Variants in SLC35F4 observed in about 807,000 individuals in gnomAD.
SLC35F4 encodes chromosome 14 open reading frame 36.
Under a neutral mutation model 44.2 loss-of-function variants are expected in SLC35F4, and 24 were observed. The observed-to-expected ratio is 0.54, with a 90% CI of 0.39 to 0.76. The LOEUF is 0.76. Ranked by LOEUF, SLC35F4 falls within the 30% of genes least tolerant of loss-of-function variation. SLC35F4 has a pLI of 0.00. For synonymous variants in SLC35F4, 238 were observed against 223.6 expected (o/e 1.06, Z -0.57); for missense variants, 562 against 586.1 (o/e 0.96, Z 0.42).
At chr14:57,634,727 G>A (rs1276558031) in intron 1 of SLC35F4, among the ~76,000 whole-genome samples, 1 of 151,886 alleles carries the variant, frequency 6.6e-6, no homozygotes, top group Non-Finnish European at 1.5e-5. Context: ...AAAGTCTGCT[G>A]ATTTTGTTTG....
At chr14:57,717,227 T>C (rs947469547) in intron 1 of SLC35F4, among the ~76,000 whole-genome samples, 68 of 152,338 alleles carry the variant, frequency 4.5e-4, no homozygotes, top group African/African-American at 1.6e-3. Context: ...GTAGTATTTG[T>C]CATATGATAT....
At chr14:57,914,072 A>C (rs1594621220) in intron 1 of SLC35F4, among the ~76,000 whole-genome samples, 1 of 152,196 alleles carries the variant, frequency 6.6e-6, no homozygotes, top group East Asian at 1.9e-4. Context: ...TAGATCAGAT[A>C]TTGTCTTAGT....
intron 1 of SLC35F4, among the ~76,000 whole-genome samples, chr14:57,728,441 C>CTTTTTTTTTTTTTTTTTTTTTTTTTT (rs869064667): frequency 2.0e-4 from 12 of 59,016 alleles, no homozygotes; most frequent in Admixed American, 2.7e-4. Flanking sequence ...TTCTTTCTTT[C>CTTTTTTTTTTTTTTTTTTTTTTTTTT]TTTTTTTTTT....
chr14:57,847,489 A>G (rs1886139694), intron 1 of SLC35F4, among the ~76,000 whole-genome samples: 1 of 152,198 alleles, frequency 6.6e-6, no homozygotes. Flanking sequence ...TGAAAATTTG[A>G]AAAATATTTT....
chr14:57,694,765 G>T (rs1284260551), intron 1 of SLC35F4, among the ~76,000 whole-genome samples: 2 of 152,146 alleles, frequency 1.3e-5, no homozygotes, highest in East Asian at 1.9e-4. Flanking sequence ...TACATAATTT[G>T]TCAGATTTAT....
chr14:57,976,201 T>C (rs1881210838), downstream of SLC35F4, among the ~76,000 whole-genome samples: 1 of 152,228 alleles, frequency 6.6e-6, no homozygotes, highest in Non-Finnish European at 1.5e-5. Flanking sequence ...ATATTCCTGC[T>C]AAACCTTCCC....
chr14:57,650,344 ATTG>A (rs1477320611), intron 1 of SLC35F4, among the ~76,000 whole-genome samples: 1 of 152,100 alleles, frequency 6.6e-6, no homozygotes, highest in African/African-American at 2.4e-5. Context: ...TCAAGCAGAA[ATTG>A]TTATTTTCCT....
intron 1 of SLC35F4, among the ~76,000 whole-genome samples, chr14:57,692,186 A>G (rs73288204): frequency 0.028 from 4,192 of 152,260 alleles, 181 homozygotes; most frequent in African/African-American, 0.094. Flanking sequence ...CTTATTCCCA[A>G]TCGAAGCTCC....
At chr14:57,860,678 T>A (rs987415825) in intron 1 of SLC35F4, among the ~76,000 whole-genome samples, 2 of 152,136 alleles carry the variant, frequency 1.3e-5, no homozygotes, top group Non-Finnish European at 2.9e-5. Context: ...AATAATGGAA[T>A]ACAATAAAAC....
intron 1 of SLC35F4, among the ~76,000 whole-genome samples, chr14:57,603,048 G>A (rs187414731): frequency 6.6e-6 from 1 of 152,266 alleles, no homozygotes; most frequent in Admixed American, 6.5e-5. Flanking sequence ...TCTGTTATCT[G>A]TAGAATTAGA....
At chr14:57,826,948 G>A (rs1447469547) in intron 1 of SLC35F4, among the ~76,000 whole-genome samples, 1 of 152,066 alleles carries the variant, frequency 6.6e-6, no homozygotes, top group Non-Finnish European at 1.5e-5. Context: ...AAGACAGTGT[G>A]GTAATTCCTC....
chr14:57,955,636 TAC>T (rs1890222359), intron 1 of SLC35F4, among the ~76,000 whole-genome samples: 1 of 152,162 alleles, frequency 6.6e-6, no homozygotes, highest in South Asian at 2.1e-4. Flanking sequence ...AGCATTCCTA[TAC>T]ATCAATAATA....
At chr14:57,612,437 C>G (rs1331484423) in intron 1 of SLC35F4, among the ~76,000 whole-genome samples, 2 of 152,192 alleles carry the variant, frequency 1.3e-5, no homozygotes, top group African/African-American at 4.8e-5. Flanking sequence ...ATTCAAGCTT[C>G]AAGTCTCAGT....
intron 1 of SLC35F4, among the ~76,000 whole-genome samples, chr14:57,618,883 G>C (rs978752935): frequency 6.6e-6 from 1 of 152,164 alleles, no homozygotes; most frequent in Admixed American, 6.5e-5. Flanking sequence ...GCTGAGGCTT[G>C]AGTAGGTGGT....
intron 1 of SLC35F4, among the ~76,000 whole-genome samples, chr14:57,701,556 T>C (rs1447017280): frequency 5.9e-5 from 9 of 152,190 alleles, no homozygotes; most frequent in Non-Finnish European, 1.3e-4. Flanking sequence ...TACACCAGCA[T>C]CACCACAAAC....
chr14:57,869,216 A>C (rs550121830), upstream of SLC35F4, among the ~76,000 whole-genome samples: 1 of 151,986 alleles, frequency 6.6e-6, no homozygotes, highest in African/African-American at 2.4e-5. Flanking sequence ...TTTTTTAAAA[A>C]AAGCCAAATC....
intron 1 of SLC35F4, among the ~76,000 whole-genome samples, chr14:57,705,170 T>C (rs1160061767): frequency 6.6e-6 from 1 of 152,138 alleles, no homozygotes; most frequent in Non-Finnish European, 1.5e-5. Flanking sequence ...GACTAATAAA[T>C]GCTAGCTAGT....
chr14:57,906,908 G>A (rs1336209748), intron 1 of SLC35F4, among the ~76,000 whole-genome samples: 5 of 152,228 alleles, frequency 3.3e-5, no homozygotes, highest in Admixed American at 6.5e-5. Context: ...AATGCTTCCC[G>A]GATACAACAG....
chr14:57,887,424 C>T lies in SLC35F4; in HGVS notation n.282+94489G>A, dbSNP rs78585406. 4.5e-3 allele frequency among the ~76,000 whole-genome samples: 686 copies of T among 152,302 alleles called. 1 individual carries two copies. The highest frequency in any genetic ancestry group is 0.015 in the African/African-American group (638 of 41,556). ...GGTAATACAGACTGTTCTCTGCAAC[C>T]ATCCTACTGAACCCGATAAACGGGA... On this transcript the variant is annotated intron_variant and non_coding_transcript_variant, in intron 1 of 1. Coordinates refer to the SLC35F4 transcript ENST00000556568.
Sources: allele counts gnomAD v4.1 joint callset (sites outside exome capture counted in the v4.1 genomes callset), GRCh38; gene constraint gnomAD v4.1.1; transcripts MANE v1.5; gene names NCBI Gene and HGNC (gene_info 2026-07-23, HGNC 2026-07-21).